The following AP1AR variants were observed in gnomAD, a reference collection of about 807,000 sequenced individuals.
AP1AR encodes the protein AP-1 complex-associated regulatory protein.
AP1AR carries 29 observed loss-of-function variants against 46.3 expected under a neutral mutation model. That is an observed-to-expected ratio of 0.63 (90% CI 0.47 to 0.85). The LOEUF is 0.85. AP1AR is among the 40% of genes least tolerant of loss of function. AP1AR has a pLI of 0.00. For missense variants in AP1AR, 357 were observed against 356.3 expected, an observed-to-expected ratio of 1.00 and a Z score of -0.02; for synonymous variants, 122 against 122.9, an observed-to-expected ratio of 0.99 and a Z score of 0.05.
chr4:112,259,879 T>C (rs541331614), intron 4 of AP1AR, among the ~76,000 whole-genome samples: 4 of 152,036 alleles, frequency 2.6e-5, no homozygotes, highest in Non-Finnish European at 4.4e-5. Flanking sequence ...TGTAAGTAAG[T>C]GGGGGTTGCC....
chr4:112,245,306 G>A (rs185085933), intron 1 of AP1AR, among the ~76,000 whole-genome samples: 29 of 152,116 alleles, frequency 1.9e-4, no homozygotes, highest in African/African-American at 6.3e-4. Flanking sequence ...TAAAATTAGC[G>A]CACTTTTAGA....
intron 5 of AP1AR, among the ~76,000 whole-genome samples, chr4:112,261,516 TG>T (rs1462365324): frequency 6.6e-6 from 1 of 152,204 alleles, no homozygotes; most frequent in African/African-American, 2.4e-5. Context: ...TTTATCTTGG[TG>T]TATTTGTTCT....
chr4:112,266,133 T>C (rs1278853385), intron 8 of AP1AR, among the ~76,000 whole-genome samples: 1 of 151,828 alleles, frequency 6.6e-6, no homozygotes, highest in Non-Finnish European at 1.5e-5. Context: ...GTACTTATTT[T>C]TTACTTATTA....
intron 1 of AP1AR, among the ~76,000 whole-genome samples, chr4:112,250,475 G>A (rs1725906475): frequency 6.6e-6 from 1 of 152,154 alleles, no homozygotes. Context: ...CTGGAAGTTG[G>A]CAAAATGTCA....
At chr4:112,267,878 A>T (rs941085488) in intron 9 of AP1AR, among the ~76,000 whole-genome samples, 1 of 151,924 alleles carries the variant, frequency 6.6e-6, no homozygotes, top group African/African-American at 2.4e-5. Context: ...TTTATTTATG[A>T]GTCTTCAGGA....
intron 1 of AP1AR, among the ~76,000 whole-genome samples, chr4:112,240,282 C>T (rs116166393): frequency 6.6e-6 from 1 of 152,188 alleles, no homozygotes; most frequent in African/African-American, 2.4e-5. Context: ...CTCCTATTCA[C>T]TCATCTTGTA....
chr4:112,269,869 A>G lies in AP1AR; in HGVS notation c.*1460A>G, dbSNP rs1016606061. 5 of 152,638 alleles carry G rather than the reference A, an allele frequency of 3.3e-5. No individual in the cohort carries two copies. Among genetic ancestry groups the G allele is most frequent in the Non-Finnish European group, 5.9e-5 (4 of 67,958 alleles). 9.5% of individuals were successfully genotyped at this position (152,638 alleles called of 1,614,324 possible). On this transcript the variant is annotated 3_prime_UTR_variant, in exon 10 of 10. Coordinates refer to ENST00000274000, the MANE Select transcript of AP1AR (RefSeq NM_018569.6). ...CTTGGAAATATTTTTAAGGTAATCT[A>G]TATTCACATTGCCTGTGTTAATGCT...
intron 1 of AP1AR, 37 bp downstream of exon 1, chr4:112,232,211 T>C: frequency 7.9e-7 from 1 of 1,258,330 alleles, no homozygotes; most frequent in African/African-American, 1.5e-5. Context: ...CCCCCGTGGC[T>C]CCTCCTCTTC....
intron 1 of AP1AR, among the ~76,000 whole-genome samples, chr4:112,235,206 A>G (rs761335133): frequency 9.2e-5 from 14 of 152,200 alleles, no homozygotes; most frequent in Non-Finnish European, 2.1e-4. Context: ...ACAGGGCTCC[A>G]TCTGCTGGTC....
intron 4 of AP1AR, among the ~76,000 whole-genome samples, chr4:112,258,427 A>C (rs72894935): frequency 0.11 from 16,132 of 152,296 alleles, 884 homozygotes; most frequent in Middle Eastern, 0.14. Flanking sequence ...ATTAGAAGAA[A>C]GAACATCCTG....
intron 1 of AP1AR, among the ~76,000 whole-genome samples, chr4:112,236,226 C>G (rs1368754007): frequency 6.6e-6 from 1 of 151,956 alleles, no homozygotes; most frequent in Admixed American, 6.6e-5. Flanking sequence ...CATTGCCTTT[C>G]AAACTGCTTA....
At chr4:112,242,233 C>T (rs140162438) in intron 1 of AP1AR, among the ~76,000 whole-genome samples, 123 of 152,268 alleles carry the variant, frequency 8.1e-4, no homozygotes, top group African/African-American at 2.9e-3. Flanking sequence ...ACCTTGAGAA[C>T]ATCGATAAGT....
intron 1 of AP1AR, among the ~76,000 whole-genome samples, chr4:112,246,209 TA>T (rs373649374): frequency 7.0e-4 from 107 of 152,260 alleles, no homozygotes; most frequent in African/African-American, 2.4e-3. Flanking sequence ...GCTGTCCCAT[TA>T]ATATATAATT....
At position 112,268,645 on chromosome 4, in the gene AP1AR, A is replaced by C. The variant is rs1359525865; in HGVS notation, c.*236A>C. ...ACCAATTTAATGGTCCTGTCATGTT[A>C]CTGATTAAATTTACTTTGTCTTGTC... is the stretch of plus-strand genomic sequence containing the variant. On this transcript the variant is annotated 3_prime_UTR_variant, in exon 10 of 10. Coordinates refer to ENST00000274000, the MANE Select transcript of AP1AR (RefSeq NM_018569.6). The C allele has an allele frequency of 2.8e-6, 1 of 353,946 alleles. No homozygotes were observed. The highest frequency in any genetic ancestry group is 2.1e-5 in the African/African-American group (1 of 47,510). 21.9% of individuals were successfully genotyped at this position (353,946 alleles called of 1,614,324 possible). A position where few individuals can be genotyped will look rare whatever the true frequency, so the allele number is the denominator to read the frequency against.
At chr4:112,244,189 A>G (rs779510972) in intron 1 of AP1AR, among the ~76,000 whole-genome samples, 2 of 152,180 alleles carry the variant, frequency 1.3e-5, no homozygotes, top group Non-Finnish European at 2.9e-5. Flanking sequence ...GGGTAAAAAG[A>G]CTCACTGTGC....
At chr4:112,233,101 T>C (rs1725088551) in intron 1 of AP1AR, among the ~76,000 whole-genome samples, 1 of 152,214 alleles carries the variant, frequency 6.6e-6, no homozygotes, top group African/African-American at 2.4e-5. Context: ...TAAGACTGTT[T>C]TGCACTTTCT....
At chr4:112,234,228 T>C (rs988472424) in intron 1 of AP1AR, among the ~76,000 whole-genome samples, 1 of 152,264 alleles carries the variant, frequency 6.6e-6, no homozygotes, top group Non-Finnish European at 1.5e-5. Flanking sequence ...TTTTGGAATA[T>C]ATGCATTATA....
chr4:112,236,359 C>A (rs1176781346), intron 1 of AP1AR, among the ~76,000 whole-genome samples: 5 of 151,146 alleles, frequency 3.3e-5, no homozygotes. Context: ...TGCTCAGCAA[C>A]TTCCATCTGC....
chr4:112,239,618 CTT>C (rs1333257690), intron 1 of AP1AR, among the ~76,000 whole-genome samples: 1 of 152,190 alleles, frequency 6.6e-6, no homozygotes, highest in Non-Finnish European at 1.5e-5. Flanking sequence ...TCTTAAATAA[CTT>C]TTCAGTCCAC....
Sources: gnomAD v4.1 joint callset for allele counts (sites outside exome capture counted in the v4.1 genomes callset) on GRCh38, gnomAD v4.1.1 for gene constraint, MANE v1.5 for transcripts, NCBI Gene and HGNC (gene_info 2026-07-23, HGNC 2026-07-21) for gene names.